The following NWD2 variants were observed in gnomAD, a reference collection of about 807,000 sequenced individuals.
The protein encoded by NWD2 is NACHT and WD repeat domain-containing protein 2.
Under a neutral mutation model 132.7 loss-of-function variants are expected in NWD2, and 37 were observed. The ratio of observed to expected loss-of-function variants is 0.28; its 90% CI spans 0.21 to 0.37. The LOEUF (loss-of-function observed/expected upper bound fraction) is 0.37. NWD2 is among the 10% of genes least tolerant of loss of function. The pLI, the probability that NWD2 is intolerant of heterozygous loss-of-function variation, is 1.00. For synonymous variants in NWD2, 705 were observed against 803.0 expected (o/e 0.88, Z 2.06); for missense variants, 1,592 against 2,122.4 (o/e 0.75, Z 4.91).
intron 3 of NWD2, among the ~76,000 whole-genome samples, chr4:37,405,918 C>A (rs1720994261): frequency 6.6e-6 from 1 of 152,174 alleles, no homozygotes; most frequent in African/African-American, 2.4e-5. Flanking sequence ...CATAGCCACC[C>A]AGGTAGACAG....
chr4:37,445,504 G>A lies in NWD2; in HGVS notation c.3516G>A (p.Glu1172=). 6.4e-7 allele frequency: 1 copy of A among 1,551,802 alleles called. No individual in the cohort carries two copies. Among genetic ancestry groups the A allele is most frequent in the Non-Finnish European group, 8.7e-7 (1 of 1,147,052 alleles). The change falls in exon 7 of 7, where the codon GAG becomes GAA. Residue 1172 remains glutamate (E), a synonymous_variant. Transcript: ENST00000309447. The surrounding 1 kb of genome is among the most constrained non-coding windows in gnomAD (Gnocchi z 4.7). ...GAAGTCTTTCTGTTTGGAATACTGA[G>A]GACATTTCCAGCCCCCAGCTGACTG... is the stretch of plus-strand genomic sequence containing the variant. ...SEGSLSVWNT[E]DISSPQLTDD...
chr4:37,431,265 T>A (rs147257818), intron 4 of NWD2, among the ~76,000 whole-genome samples: 1 of 152,212 alleles, frequency 6.6e-6, no homozygotes, highest in Admixed American at 6.5e-5. Flanking sequence ...TGTCAGCAAA[T>A]GAAAAGATAA....
intron 3 of NWD2, among the ~76,000 whole-genome samples, chr4:37,422,089 A>C (rs1577698305): frequency 6.6e-6 from 1 of 152,216 alleles, no homozygotes; most frequent in East Asian, 1.9e-4. Context: ...CAATGCAGTC[A>C]CATGGGTAGT....
intron 1 of NWD2, among the ~76,000 whole-genome samples, chr4:37,249,353 T>C (rs1717306620): frequency 6.6e-6 from 1 of 152,210 alleles, no homozygotes; most frequent in South Asian, 2.1e-4. Flanking sequence ...TACAGACTTT[T>C]GTTGGAGAAT....
At chr4:37,279,141 G>T (rs556058098) in intron 1 of NWD2, among the ~76,000 whole-genome samples, 1 of 152,088 alleles carries the variant, frequency 6.6e-6, no homozygotes, top group African/African-American at 2.4e-5. Context: ...TCTGTGGCAA[G>T]TTCCTTTATT....
At chr4:37,327,773 G>A (rs955298173) in intron 2 of NWD2, among the ~76,000 whole-genome samples, 3 of 151,914 alleles carry the variant, frequency 2.0e-5, no homozygotes, top group Non-Finnish European at 4.4e-5. Flanking sequence ...TTTTAGAGAG[G>A]CAGTTCTCTT....
chr4:37,354,644 A>T (rs1719834712), intron 2 of NWD2, among the ~76,000 whole-genome samples: 1 of 152,212 alleles, frequency 6.6e-6, no homozygotes, highest in African/African-American at 2.4e-5. Context: ...AGGCCAGAGT[A>T]GCATGTGAAG....
At chr4:37,276,579 A>G (rs6831593) in intron 1 of NWD2, among the ~76,000 whole-genome samples, 16,826 of 152,188 alleles carry the variant, frequency 0.11, 1,056 homozygotes, top group Middle Eastern at 0.15. Flanking sequence ...TGACCCAGCC[A>G]TCCTATTACT....
At chr4:37,354,307 A>G (rs1467278701) in intron 2 of NWD2, among the ~76,000 whole-genome samples, 2 of 152,316 alleles carry the variant, frequency 1.3e-5, no homozygotes, top group African/African-American at 4.8e-5. Context: ...TCTCCCAATC[A>G]GGAGGCATGG....
At chr4:37,361,176 C>A (rs1159333445) in intron 3 of NWD2, among the ~76,000 whole-genome samples, 1 of 152,036 alleles carries the variant, frequency 6.6e-6, no homozygotes, top group Non-Finnish European at 1.5e-5. Flanking sequence ...AAAACTGAAT[C>A]AGTAATAAAC....
chr4:37,378,863 GT>G (rs1560408298), intron 3 of NWD2, among the ~76,000 whole-genome samples: 1 of 152,136 alleles, frequency 6.6e-6, no homozygotes, highest in Non-Finnish European at 1.5e-5. Context: ...TTTATTTGTT[GT>G]TTTAAAGCTG....
intron 2 of NWD2, among the ~76,000 whole-genome samples, chr4:37,332,612 T>G (rs1719317717): frequency 6.6e-6 from 1 of 152,160 alleles, no homozygotes; most frequent in South Asian, 2.1e-4. Flanking sequence ...CCATGGGCCT[T>G]GGGTGACATT....
At chr4:37,376,277 C>T (rs1017888291) in intron 3 of NWD2, among the ~76,000 whole-genome samples, 2 of 152,182 alleles carry the variant, frequency 1.3e-5, no homozygotes, top group Non-Finnish European at 2.9e-5. Flanking sequence ...GCAACATTAT[C>T]AGCTCTGAAT....
chr4:37,298,648 A>T (rs749621031), intron 1 of NWD2, among the ~76,000 whole-genome samples: 14 of 152,154 alleles, frequency 9.2e-5, no homozygotes, highest in African/African-American at 3.1e-4. Context: ...ATGTAAAAGA[A>T]ACTATGGAAA....
chr4:37,303,862 TAA>T lies in NWD2; in HGVS notation c.152-22073_152-22072del, dbSNP rs550127809. ...TTTTGTCTTTTAGTTTTTCTATATA[TAA>T]GACTATGTTATCTGCAAACAGGGAC... is the stretch of plus-strand genomic sequence containing the variant. On this transcript the variant is annotated intron_variant, in intron 1 of 6. Coordinates refer to ENST00000309447, the MANE Select transcript of NWD2 (RefSeq NM_001144990.2). Among the ~76,000 whole-genome samples, 6 of 152,320 alleles carry T rather than the reference TAA, an allele frequency of 3.9e-5. No homozygotes were observed. The South Asian group carries it at 1.0e-3, about 26-fold the overall frequency.
At chr4:37,246,565 G>A (rs1717249589) in intron 1 of NWD2, among the ~76,000 whole-genome samples, 1 of 152,082 alleles carries the variant, frequency 6.6e-6, no homozygotes, top group South Asian at 2.1e-4. Flanking sequence ...ATGTCGTCTA[G>A]GATTTGTACC....
intron 3 of NWD2, among the ~76,000 whole-genome samples, chr4:37,414,120 TAAAAAAAAG>T (rs774423383): frequency 3.3e-5 from 5 of 150,942 alleles, no homozygotes; most frequent in Non-Finnish European, 7.4e-5. Flanking sequence ...TAAAGTATAA[TAAAAAAAAG>T]AAAAAAAAGA....
chr4:37,366,131 T>G (rs1029200454), intron 3 of NWD2, among the ~76,000 whole-genome samples: 1 of 152,166 alleles, frequency 6.6e-6, no homozygotes, highest in African/African-American at 2.4e-5. Flanking sequence ...TCTCCATGAA[T>G]GCTCAATGCT....
At chr4:37,313,263 T>G (rs1718887657) in intron 1 of NWD2, among the ~76,000 whole-genome samples, 1 of 151,180 alleles carries the variant, frequency 6.6e-6, no homozygotes, top group African/African-American at 2.5e-5. Flanking sequence ...GGTCCTGGAC[T>G]CTTTTTGGTT....
Sources: allele counts gnomAD v4.1 joint callset (sites outside exome capture counted in the v4.1 genomes callset), GRCh38; gene constraint gnomAD v4.1.1; non-coding constraint Gnocchi (gnomAD v3.1); transcripts MANE v1.5; gene names NCBI Gene and HGNC (gene_info 2026-07-23, HGNC 2026-07-21).